TNS4: variants seen among roughly 807,000 people sequenced by gnomAD.
TNS4 encodes tensin 4.
Under a neutral mutation model 70.4 loss-of-function variants are expected in TNS4, and 46 were observed. That is an observed-to-expected ratio of 0.65 (90% confidence interval 0.52 to 0.84). The LOEUF is 0.84. TNS4 is among the 40% of genes least tolerant of loss of function. The probability of loss-of-function intolerance (pLI) is 0.00; values close to 1 mark genes in which losing one functional copy is unlikely to be tolerated. For missense variants in TNS4, 863 were observed against 907.0 expected, an observed-to-expected ratio of 0.95 and a Z score of 0.62; for synonymous variants, 390 against 366.6, an observed-to-expected ratio of 1.06 and a Z score of -0.73.
chr17:40,485,050 C>T (rs754742641), intron 4 of TNS4, 43 bp from the exon 5 acceptor site: 37 of 1,567,538 alleles, frequency 2.4e-5, no homozygotes, highest in East Asian at 4.5e-5. Flanking sequence ...GCTGGACAGA[C>T]GGGAGCTGAG....
At chr17:40,482,465 C>G (rs759338852) in intron 6 of TNS4, 49 bp from the exon 7 acceptor site, 1 of 1,590,532 alleles carries the variant, frequency 6.3e-7, no homozygotes, top group Non-Finnish European at 8.6e-7. Context: ...ACCTTGTGGC[C>G]GGGCGCGGTG....
chr17:40,478,615 G>C lies in TNS4; in HGVS notation c.1944C>G (p.Thr648=), dbSNP rs770112493. The change falls in exon 11 of 13, where the codon ACC becomes ACG. Residue 648 remains threonine, a synonymous_variant. Coordinates refer to ENST00000254051, the MANE Select transcript of TNS4 (RefSeq NM_032865.6). ...VFFRRHYPLT[T]LRFCGMDPEQ... ...CAGGGTCCATACCACAGAAGCGGAG[G>C]GTGGTGAGTGGGTAATGGCGCCGGA... is the stretch of plus-strand genomic sequence containing the variant. 1.9e-6 allele frequency: 3 copies of C among 1,614,186 alleles called. No homozygotes were observed. The highest frequency in any genetic ancestry group is 2.5e-6 in the Non-Finnish European group (3 of 1,180,026).
rs750998641 is a variant in TNS4, at chr17:40,480,766, G to T, written c.1675C>A (p.Leu559Met). The T allele has an allele frequency of 6.2e-7, 1 of 1,602,746 alleles. No homozygotes were observed. The highest frequency in any genetic ancestry group is 1.7e-5 in the Admixed American group (1 of 58,052). ...PCKLTIPQRE[L>M]GGADGASDST... ...TCCGAGGCCCCATCTGCACCTCCCA[G>T]TTCTGAGCCAAGGCAAAGAAACAGG... Residue 559 changes from leucine (L) to methionine (M), a missense_variant and splice_region_variant, in exon 9 of 13, where the codon CTG becomes ATG. Leu to Met is a conservative substitution (Grantham distance 15, BLOSUM62 2). Transcript: ENST00000254051.
intron 12 of TNS4, 191 bp downstream of exon 12, chr17:40,478,116 C>T: frequency 1.4e-6 from 1 of 711,824 alleles, no homozygotes; most frequent in Non-Finnish European, 2.4e-6. Flanking sequence ...GGCTCCCAGG[C>T]TCATGTCACC....
intron 2 of TNS4, among the ~76,000 whole-genome samples, chr17:40,493,394 G>A (rs867960889): frequency 1.3e-5 from 2 of 152,246 alleles, no homozygotes; most frequent in Middle Eastern, 3.4e-3. Flanking sequence ...TCACCACAAC[G>A]CTCAGAGTTG....
intron 4 of TNS4, among the ~76,000 whole-genome samples, chr17:40,486,156 G>C (rs2035987144): frequency 6.6e-6 from 1 of 152,310 alleles, no homozygotes; most frequent in African/African-American, 2.4e-5. Context: ...TTTACTGCTT[G>C]GGTTTGTTCT....
chr17:40,489,021 A>G (rs754776607), intron 2 of TNS4, 52 bp from the exon 3 acceptor site: 32 of 1,475,086 alleles, frequency 2.2e-5, no homozygotes, highest in African/African-American at 4.2e-5. Context: ...CTGGACTCAT[A>G]GAACAGAGAG....
intron 11 of TNS4, 38 bp from the exon 12 acceptor site, chr17:40,478,371 C>G (rs200684294): frequency 8.1e-6 from 13 of 1,606,060 alleles, no homozygotes; most frequent in Non-Finnish European, 1.1e-5. Flanking sequence ...AATGAGGCTT[C>G]GCTCCATGCC....
intron 1 of TNS4, among the ~76,000 whole-genome samples, chr17:40,500,786 G>A (rs997140420): frequency 6.6e-6 from 1 of 152,062 alleles, no homozygotes; most frequent in African/African-American, 2.4e-5. Flanking sequence ...ACTGGCTCCC[G>A]ATCTTCCCAT....
In TNS4 at chr17:40,476,529, T is replaced by C. The variant is rs893992542; in HGVS notation, c.*1059A>G. ...GCCCCCGCCGCCTAATATGCAACAT[T>C]AGGGCAGCTACGATACCAGCTTTGG... On this transcript the variant is annotated 3_prime_UTR_variant, in exon 13 of 13. Transcript: ENST00000254051. The C allele has an allele frequency of 2.0e-5, 3 of 151,642 alleles. No individual in the cohort carries two copies. The highest frequency in any genetic ancestry group is 1.3e-4 in the Admixed American group (2 of 15,184). 9.4% of individuals were successfully genotyped at this position (151,642 alleles called of 1,614,324 possible).
chr17:40,481,987 G>A (rs752175254), intron 8 of TNS4, 142 bp downstream of exon 8: 201 of 873,332 alleles, frequency 2.3e-4, no homozygotes, highest in Non-Finnish European at 3.1e-4. Flanking sequence ...GCTAGGAGGT[G>A]GAGATGTTGA....
At chr17:40,480,934 G>T in intron 8 of TNS4, 166 bp from the exon 9 acceptor site, 1 of 706,466 alleles carries the variant, frequency 1.4e-6, no homozygotes, top group Non-Finnish European at 2.3e-6. Context: ...AGGCAAACAG[G>T]CCACTTTGGG....
rs2036210125 is a variant in TNS4 at position 40,501,187 on chromosome 17, C to T, written c.-96+347G>A. Among the ~76,000 whole-genome samples, 5 of 152,326 alleles carry T rather than the reference C, an allele frequency of 3.3e-5. No homozygotes were observed. In the South Asian group the frequency reaches 1.0e-3, roughly 32 times the overall value. ...AGGTTAAATGAGGCTGGGCTCACGC[C>T]TGTAATTCCAGCACTTTGGGAGGCT... On this transcript the variant is annotated intron_variant, in intron 1 of 12. Coordinates refer to ENST00000254051, the MANE Select transcript of TNS4 (RefSeq NM_032865.6).
chr17:40,478,415 C>G, intron 11 of TNS4, 82 bp from the exon 12 acceptor site: 1 of 1,571,560 alleles, frequency 6.4e-7, no homozygotes, highest in Non-Finnish European at 8.7e-7. Context: ...GACTGGCCAG[C>G]TGCGTCCCCA....
chr17:40,479,902 C>T (rs1297586881), intron 9 of TNS4, 60 bp from the exon 10 acceptor site: 30 of 1,524,662 alleles, frequency 2.0e-5, no homozygotes, highest in Middle Eastern at 1.9e-4. Context: ...CTCCCTCTGC[C>T]CAGGGCCAGG....
chr17:40,495,111 C>A (rs1228968600), intron 2 of TNS4, among the ~76,000 whole-genome samples: 1 of 151,870 alleles, frequency 6.6e-6, no homozygotes. Context: ...GTTACTAAAC[C>A]CAGCCATTAT....
chr17:40,485,733 A>T (rs2035982009), intron 4 of TNS4, among the ~76,000 whole-genome samples: 1 of 152,216 alleles, frequency 6.6e-6, no homozygotes, highest in African/African-American at 2.4e-5. Context: ...GCGCTTTGGG[A>T]TGCCAAAATG....
intron 10 of TNS4, among the ~76,000 whole-genome samples, 200 bp downstream of exon 10, chr17:40,479,474 G>C (rs926128873): frequency 2.0e-5 from 3 of 152,200 alleles, no homozygotes; most frequent in Admixed American, 6.5e-5. Flanking sequence ...CATCAGTCAT[G>C]ATGAACAGGG....
chr17:40,497,153 G>T (rs919153752), intron 1 of TNS4, among the ~76,000 whole-genome samples: 1 of 152,154 alleles, frequency 6.6e-6, no homozygotes, highest in African/African-American at 2.4e-5. Context: ...GCAGTGTCAC[G>T]AGAGAGGAGG....
Sources: allele counts gnomAD v4.1 joint callset (sites outside exome capture counted in the v4.1 genomes callset), GRCh38; gene constraint gnomAD v4.1.1; transcripts MANE v1.5; gene names NCBI Gene and HGNC (gene_info 2026-07-23, HGNC 2026-07-21).